TAF4B: variants seen among roughly 807,000 people sequenced by gnomAD.
TAF4B encodes the protein TATA-box binding protein associated factor 4b.
Under a neutral mutation model 86.4 loss-of-function variants are expected in TAF4B, and 38 were observed. The ratio of observed to expected loss-of-function variants is 0.44; its 90% confidence interval spans 0.34 to 0.58. TAF4B has a LOEUF of 0.58. TAF4B is among the 20% of genes least tolerant of loss of function. The probability of loss-of-function intolerance (pLI) is 0.02; values close to 1 mark genes in which losing one functional copy is unlikely to be tolerated. For synonymous variants in TAF4B, 388 were observed against 391.2 expected (o/e 0.99, Z 0.10); for missense variants, 988 against 1,027.6 (o/e 0.96, Z 0.53).
intron 13 of TAF4B, among the ~76,000 whole-genome samples, chr18:26,347,721 A>T (rs1316175955): frequency 6.6e-6 from 1 of 152,230 alleles, no homozygotes; most frequent in African/African-American, 2.4e-5. Flanking sequence ...ACTGAAAGTG[A>T]AGAATAGAAA....
intron 13 of TAF4B, among the ~76,000 whole-genome samples, chr18:26,345,871 ATAATCT>A (rs546321374): frequency 6.3e-4 from 96 of 152,354 alleles, no homozygotes; most frequent in African/African-American, 2.2e-3. Flanking sequence ...ATTCAGAATA[ATAATCT>A]TAAGTAAACT....
rs182396947 is a variant in TAF4B, at chr18:26,371,456, T to G, written c.2421+13662T>G. On this transcript the variant is annotated intron_variant, in intron 14 of 14. Coordinates refer to ENST00000269142, the MANE Select transcript of TAF4B (RefSeq NM_005640.3). The stretch of plus-strand genomic sequence containing the variant: ...TTTAAATTAGTAATGACAGGGGAAC[T>G]GCTGACATCAAACTAGGTCCTGGAA... 1.2e-3 allele frequency among the ~76,000 whole-genome samples: 186 copies of G among 152,338 alleles called. 1 individual carries two copies. Among genetic ancestry groups the G allele is most frequent in the African/African-American group, 4.2e-3 (173 of 41,578 alleles).
In TAF4B at chr18:26,321,153, C is replaced by G. The variant is rs748391244; in HGVS notation, c.2086C>G (p.Leu696Val). 1.9e-6 allele frequency: 3 copies of G among 1,613,816 alleles called. No homozygotes were observed. The highest frequency in any genetic ancestry group is 2.5e-6 in the Non-Finnish European group (3 of 1,179,830). ...AACACAGGAACGACTACGAGGCCTT[C>G]TAGAAAAACTGACTGCAATTGCTCA... ...QATQERLRGL[L>V]EKLTAIAQHR... Residue 696 changes from leucine (L) to valine (V), a missense_variant, in exon 11 of 15, where the codon CTA becomes GTA. Physicochemically the swap from Leu to Val is conservative, Grantham distance 32. This residue lies in a region of TAF4B where 216 missense variants were observed against 238.4 expected (regional missense o/e 0.91). Coordinates refer to ENST00000269142, the MANE Select transcript of TAF4B (RefSeq NM_005640.3).
intron 9 of TAF4B, among the ~76,000 whole-genome samples, chr18:26,300,472 T>G (rs1470565157): frequency 6.6e-6 from 1 of 150,420 alleles, no homozygotes; most frequent in East Asian, 1.9e-4. Context: ...GTGTGTTTTT[T>G]TTTTTTTTTT....
intron 9 of TAF4B, among the ~76,000 whole-genome samples, chr18:26,303,007 T>G (rs1021394092): frequency 6.6e-6 from 1 of 151,376 alleles, no homozygotes; most frequent in African/African-American, 2.4e-5. Context: ...AATGCATATT[T>G]TCTACCTACT....
intron 13 of TAF4B, among the ~76,000 whole-genome samples, chr18:26,338,269 G>GA (rs2057108191): frequency 6.6e-6 from 1 of 151,906 alleles, no homozygotes; most frequent in Non-Finnish European, 1.5e-5. Context: ...GCAACATGAT[G>GA]AAACCCTGTC....
At chr18:26,378,469 T>C (rs1275009213) in intron 14 of TAF4B, among the ~76,000 whole-genome samples, 2 of 152,198 alleles carry the variant, frequency 1.3e-5, no homozygotes, top group African/African-American at 2.4e-5. Context: ...CATACTTCTA[T>C]ACCAAAGTAC....
intron 14 of TAF4B, among the ~76,000 whole-genome samples, chr18:26,371,473 G>A (rs2057405521): frequency 6.6e-6 from 1 of 152,170 alleles, no homozygotes; most frequent in Admixed American, 6.5e-5. Flanking sequence ...ATCAAACTAG[G>A]TCCTGGAATT....
At chr18:26,364,965 C>CTAGAAGCAGGT (rs1397552505) in intron 14 of TAF4B, among the ~76,000 whole-genome samples, 1 of 147,798 alleles carries the variant, frequency 6.8e-6, no homozygotes, top group African/African-American at 2.5e-5. Context: ...TCCTCTCCTT[C>CTAGAAGCAGGT]TAGAAGCAGG....
chr18:26,358,709 C>G (rs1374965162), intron 14 of TAF4B, among the ~76,000 whole-genome samples: 2 of 151,442 alleles, frequency 1.3e-5, no homozygotes, highest in African/African-American at 4.9e-5. Context: ...GACTCCGTCT[C>G]AAAAAAATAA....
At chr18:26,291,745 A>G (rs559144556) in intron 7 of TAF4B, among the ~76,000 whole-genome samples, 1 of 151,508 alleles carries the variant, frequency 6.6e-6, no homozygotes, top group South Asian at 2.1e-4. Context: ...TTAAAATGGC[A>G]CATGAAAAGT....
chr18:26,283,936 C>T (rs569415275), intron 6 of TAF4B, among the ~76,000 whole-genome samples: 1 of 152,212 alleles, frequency 6.6e-6, no homozygotes, highest in South Asian at 2.1e-4. Flanking sequence ...TGCCTATAGT[C>T]CCAGCTACTT....
rs563793998 is a variant in TAF4B, at chr18:26,321,434, G to C, written c.2133+234G>C. On this transcript the variant is annotated intron_variant, in intron 11 of 14. Coordinates refer to ENST00000269142, the MANE Select transcript of TAF4B (RefSeq NM_005640.3). ...TCACTGTAGATTGAAATATGTATCT[G>C]TTCTGCATGAGGCTTCTCTTAAGCT... Among the ~76,000 whole-genome samples the C allele has an allele frequency of 3.9e-5, 6 of 152,034 alleles. No individual in the cohort carries two copies. In the South Asian group the frequency reaches 1.2e-3, roughly 32 times the overall value.
At chr18:26,256,093 A>C in intron 1 of TAF4B, 1 of 1,474,926 alleles carries the variant, frequency 6.8e-7, no homozygotes, top group Non-Finnish European at 9.5e-7. Context: ...GTTTCAATGT[A>C]GTCTTTAGAC....
chr18:26,366,759 A>G (rs910621369), intron 14 of TAF4B, among the ~76,000 whole-genome samples: 9 of 152,156 alleles, frequency 5.9e-5, no homozygotes, highest in Admixed American at 5.9e-4. Flanking sequence ...CAAACTTGCC[A>G]TTTTTTTAGG....
chr18:26,255,060 C>T (rs1254506444), intron 1 of TAF4B, among the ~76,000 whole-genome samples: 2 of 152,064 alleles, frequency 1.3e-5, no homozygotes, highest in Non-Finnish European at 1.5e-5. Flanking sequence ...TAGCCAGCCA[C>T]CTTAAAAAAT....
chr18:26,314,260 A>G (rs1401181874), intron 9 of TAF4B, among the ~76,000 whole-genome samples: 1 of 152,230 alleles, frequency 6.6e-6, no homozygotes, highest in Admixed American at 6.5e-5. Context: ...TTGTCATATA[A>G]CACTGGTAAG....
chr18:26,226,769 G>T lies in TAF4B; in HGVS notation c.-165G>T. On this transcript the variant is annotated 5_prime_UTR_variant, in exon 1 of 15. Transcript: ENST00000269142. ...AGGTCCGGGACGCGCGTGTCCTGCC[G>T]TGCAGCGGGCGCCCGTCACTGACTT... 1.2e-5 allele frequency: 6 copies of T among 513,740 alleles called. No individual in the cohort carries two copies. The highest frequency in any genetic ancestry group is 1.6e-5 in the Non-Finnish European group (5 of 314,744). 31.8% of individuals were successfully genotyped at this position (513,740 alleles called of 1,614,324 possible).
At chr18:26,264,147 A>G (rs1450519622) in intron 1 of TAF4B, among the ~76,000 whole-genome samples, 1 of 152,172 alleles carries the variant, frequency 6.6e-6, no homozygotes, top group Non-Finnish European at 1.5e-5. Context: ...TGATTAAAAT[A>G]TTATTTGTCA....
Sources: gnomAD v4.1 joint callset for allele counts (sites outside exome capture counted in the v4.1 genomes callset) on GRCh38, gnomAD v4.1.1 for gene constraint, gnomAD v4.1.1 regional missense constraint, MANE v1.5 for transcripts, NCBI Gene and HGNC (gene_info 2026-07-23, HGNC 2026-07-21) for gene names.